Variants in CCDC191 observed in about 807,000 individuals in gnomAD.
CCDC191 encodes the protein coiled-coil domain containing 191, also known as coiled-coil domain-containing protein 191.
CCDC191 carries 99 observed loss-of-function variants against 114.0 expected under a neutral mutation model. The ratio of observed to expected loss-of-function variants is 0.87; its 90% CI spans 0.74 to 1.03. The LOEUF (loss-of-function observed/expected upper bound fraction) is 1.03, where lower values mean the gene tolerates loss of function less well. CCDC191 is among the 50% of genes least tolerant of loss of function. The probability of loss-of-function intolerance (pLI) is 0.00; values close to 1 mark genes in which losing one functional copy is unlikely to be tolerated. For synonymous variants in CCDC191, 351 were observed against 376.0 expected (o/e 0.93, Z 0.77); for missense variants, 973 against 1,087.0 (o/e 0.90, Z 1.47).
At chr3:114,025,316 A>T (rs932704038) in intron 7 of CCDC191, among the ~76,000 whole-genome samples, 5 of 151,998 alleles carry the variant, frequency 3.3e-5, no homozygotes, top group Non-Finnish European at 7.4e-5. Flanking sequence ...AGAAACAAAG[A>T]ATAAACCTTT....
chr3:113,988,626 C>CAAAAAAA (rs887679387), intron 13 of CCDC191, among the ~76,000 whole-genome samples: 1 of 43,646 alleles, frequency 2.3e-5, no homozygotes, highest in African/African-American at 9.0e-5. Context: ...GACTCCATCT[C>CAAAAAAA]AAAAAAAAAA....
chr3:113,982,987 T>C (rs1371353328), intron 13 of CCDC191, among the ~76,000 whole-genome samples: 2 of 152,166 alleles, frequency 1.3e-5, no homozygotes, highest in Non-Finnish European at 2.9e-5. Flanking sequence ...TCTGTACTCA[T>C]GGTCTCTAGT....
chr3:114,003,408 CT>C, intron 11 of CCDC191: 1 of 985,352 alleles, frequency 1.0e-6, no homozygotes, highest in Non-Finnish European at 1.2e-6. Context: ...TATTAAGTGT[CT>C]GCTTTGCTGA....
chr3:114,036,506 C>G (rs953032174), intron 5 of CCDC191, 102 bp downstream of exon 5: 1 of 750,874 alleles, frequency 1.3e-6, no homozygotes, highest in Non-Finnish European at 2.0e-6. Context: ...ACAGATGGCA[C>G]CCTTTTTCAT....
chr3:113,977,930 T>G (rs2074989017), intron 16 of CCDC191, among the ~76,000 whole-genome samples: 2 of 152,206 alleles, frequency 1.3e-5, no homozygotes, highest in Non-Finnish European at 2.9e-5. Flanking sequence ...GGTCACATCA[T>G]TTTATTCTCT....
At chr3:113,979,672 G>A (rs1444548425) in intron 14 of CCDC191, among the ~76,000 whole-genome samples, 2 of 152,200 alleles carry the variant, frequency 1.3e-5, no homozygotes, top group East Asian at 3.9e-4. Flanking sequence ...ATTTTTCTAA[G>A]CCTTGTCTAG....
chr3:113,972,475 G>C (rs1053616944), intron 16 of CCDC191, among the ~76,000 whole-genome samples: 1 of 152,054 alleles, frequency 6.6e-6, no homozygotes, highest in Non-Finnish European at 1.5e-5. Context: ...TTTGTTGAGA[G>C]TTGTTTTGTG....
chr3:113,980,462 A>G (rs2075107515), intron 14 of CCDC191, among the ~76,000 whole-genome samples, 188 bp downstream of exon 14: 1 of 152,204 alleles, frequency 6.6e-6, no homozygotes, highest in Non-Finnish European at 1.5e-5. Flanking sequence ...CTATTCAATT[A>G]CAAAAGTCCT....
At chr3:114,024,511 T>C (rs1202681766) in intron 7 of CCDC191, among the ~76,000 whole-genome samples, 1 of 152,198 alleles carries the variant, frequency 6.6e-6, no homozygotes, top group Non-Finnish European at 1.5e-5. Flanking sequence ...CATGGAATAC[T>C]ATGCAGCCAT....
chr3:113,995,167 C>T (rs145725876), intron 13 of CCDC191, among the ~76,000 whole-genome samples: 12 of 152,168 alleles, frequency 7.9e-5, no homozygotes, highest in African/African-American at 2.4e-4. Flanking sequence ...AAAACAAATC[C>T]GTGTTTGCCA....
Position 114,042,688 on chromosome 3 carries a change from CA to C in CCDC191, c.415+14del, listed in dbSNP as rs759459846. 6 of 1,524,050 alleles carry C rather than the reference CA, an allele frequency of 3.9e-6. No individual in the cohort carries two copies. Among genetic ancestry groups the C allele is most frequent in the Non-Finnish European group, 5.2e-6 (6 of 1,142,890 alleles). The allele number at this position is 1,524,050 out of a possible 1,614,324, so 94.4% of individuals were successfully genotyped here. A position where few individuals can be genotyped will look rare whatever the true frequency, so the allele number is the denominator to read the frequency against. On this transcript the variant is annotated intron_variant, in intron 4 of 16. Coordinates refer to ENST00000295878, the MANE Select transcript of CCDC191 (RefSeq NM_020817.2). The stretch of plus-strand genomic sequence containing the variant: ...ATTAGATGTTAAAACTTAGAACAAT[CA>C]GGTAAGTTCTTACCATCAAACTTGT...
intron 6 of CCDC191, among the ~76,000 whole-genome samples, chr3:114,033,500 A>G (rs1044602471): frequency 5.9e-5 from 9 of 152,170 alleles, no homozygotes; most frequent in Non-Finnish European, 2.9e-5. Flanking sequence ...TTTACTGCCA[A>G]ATTGCTTTCT....
chr3:114,004,850 T>A, intron 10 of CCDC191, 104 bp from the exon 11 acceptor site: 1 of 1,212,798 alleles, frequency 8.2e-7, no homozygotes, highest in Non-Finnish European at 1.1e-6. Flanking sequence ...AATGAATCCC[T>A]ACTCTCTGAG....
In CCDC191 at chr3:114,009,683, G is replaced by A. The variant is rs371956521; in HGVS notation, c.1413+1089C>T. On this transcript the variant is annotated intron_variant, in intron 9 of 16. Transcript: ENST00000295878. ...ATGTTTAACCTTACTAGTAATCAAA[G>A]AGATACAAATGTTGAAGCAATAATA... Among the ~76,000 whole-genome samples the A allele has an allele frequency of 3.9e-5, 6 of 152,226 alleles. No homozygotes were observed. In the South Asian group the frequency reaches 1.0e-3, roughly 26 times the overall value.
At chr3:114,037,744 C>T (rs1371404996) in intron 4 of CCDC191, among the ~76,000 whole-genome samples, 1 of 152,062 alleles carries the variant, frequency 6.6e-6, no homozygotes. Flanking sequence ...CTATATCCAT[C>T]CTTATACTCT....
At chr3:114,045,953 C>A (rs988996812) in intron 3 of CCDC191, among the ~76,000 whole-genome samples, 7 of 152,220 alleles carry the variant, frequency 4.6e-5, no homozygotes, top group African/African-American at 1.4e-4. Flanking sequence ...CCAGTGCCTA[C>A]AACTGTACCT....
intron 16 of CCDC191, among the ~76,000 whole-genome samples, chr3:113,975,890 G>A (rs954280778): frequency 6.6e-6 from 1 of 152,190 alleles, no homozygotes; most frequent in Non-Finnish European, 1.5e-5. Context: ...TTTGGTTCTT[G>A]TTGATTGCAT....
At chr3:114,004,219 CTT>C (rs1165317565) in intron 11 of CCDC191, 4 of 975,344 alleles carry the variant, frequency 4.1e-6, no homozygotes, top group African/African-American at 1.8e-5. Flanking sequence ...AAAATAATAA[CTT>C]ATCTTGGATT....
chr3:114,002,681 A>G, intron 11 of CCDC191, 143 bp from the exon 12 acceptor site: 8 of 1,280,816 alleles, frequency 6.2e-6, no homozygotes, highest in Non-Finnish European at 8.2e-6. Flanking sequence ...AATCTCAGAA[A>G]ATATATAGAG....
Sources: gnomAD v4.1 joint callset for allele counts (sites outside exome capture counted in the v4.1 genomes callset) on GRCh38, gnomAD v4.1.1 for gene constraint, MANE v1.5 for transcripts, NCBI Gene and HGNC (gene_info 2026-07-23, HGNC 2026-07-21) for gene names.